The following TENM4 variants were observed in gnomAD, a reference collection of about 807,000 sequenced individuals.
TENM4 encodes teneurin-4.
TENM4 carries 82 observed loss-of-function variants against 243.3 expected under a neutral mutation model. That is an observed-to-expected ratio of 0.34 (90% CI 0.28 to 0.40). The LOEUF (loss-of-function observed/expected upper bound fraction) is 0.40, where lower values mean the gene tolerates loss of function less well. TENM4 is among the 10% of genes least tolerant of loss of function. The pLI is 1.00. For synonymous variants in TENM4, 1,412 were observed against 1,456.3 expected (o/e 0.97, Z 0.69); for missense variants, 3,138 against 3,673.3 (o/e 0.85, Z 3.77).
chr11:79,047,273 G>A (rs956557426), intron 6 of TENM4, among the ~76,000 whole-genome samples: 3 of 152,140 alleles, frequency 2.0e-5, no homozygotes, highest in Non-Finnish European at 4.4e-5. Context: ...CAGGGATGAC[G>A]AGGTCACCCA....
intron 4 of TENM4, among the ~76,000 whole-genome samples, chr11:79,130,575 G>A (rs1376919061): frequency 6.6e-6 from 1 of 152,186 alleles, no homozygotes; most frequent in Non-Finnish European, 1.5e-5. Flanking sequence ...TGTAATCCCA[G>A]CACTTTGGGA....
At chr11:79,361,698 T>C (rs555832261) in intron 1 of TENM4, among the ~76,000 whole-genome samples, 9 of 152,280 alleles carry the variant, frequency 5.9e-5, no homozygotes, top group African/African-American at 2.2e-4. Context: ...GAAAGTACAG[T>C]TGCTTTTCCA....
intron 12 of TENM4, among the ~76,000 whole-genome samples, chr11:78,815,889 G>A (rs541230651): frequency 6.6e-6 from 1 of 152,358 alleles, no homozygotes; most frequent in African/African-American, 2.4e-5. Context: ...ACTGGAACCC[G>A]AGCCTTCGGG....
intron 22 of TENM4, among the ~76,000 whole-genome samples, chr11:78,726,630 G>T (rs531148803): frequency 2.6e-5 from 4 of 152,094 alleles, no homozygotes; most frequent in Admixed American, 6.5e-5. Context: ...CTCATGAACG[G>T]CTTGGCACCA....
At chr11:79,182,294 A>AAATAAAT (rs1863298676) in intron 3 of TENM4, among the ~76,000 whole-genome samples, 1 of 152,210 alleles carries the variant, frequency 6.6e-6, no homozygotes, top group East Asian at 1.9e-4. Context: ...CTACATAAAT[A>AAATAAAT]CAGTCAACTG....
chr11:78,794,227 G>A (rs1857117028), intron 15 of TENM4, among the ~76,000 whole-genome samples: 1 of 152,158 alleles, frequency 6.6e-6, no homozygotes, highest in South Asian at 2.1e-4. Context: ...GGAGCAAGGG[G>A]ATGCTCAGCT....
intron 2 of TENM4, among the ~76,000 whole-genome samples, chr11:79,267,443 A>T (rs2135338034): frequency 6.6e-6 from 1 of 152,328 alleles, no homozygotes; most frequent in African/African-American, 2.4e-5. Context: ...TGAGATTTGG[A>T]AAGATAAAGG....
At position 78,903,427 on chromosome 11, in the gene TENM4, A is replaced by G; in HGVS notation, c.590T>C (p.Ile197Thr). ...HTPNQHHAAS[I>T]NSLNRGNFTP... ...GAAGTTGCCCCGGTTCAGGGAGTTAATGGAGGCCGCGTGGTGCTGGTTGGG... is the reference window on the plus strand; with the variant it reads ...GAAGTTGCCCCGGTTCAGGGAGTTAGTGGAGGCCGCGTGGTGCTGGTTGGG... The change falls in exon 7 of 34, where the codon ATT becomes ACT. Residue 197 changes from isoleucine to threonine, a missense_variant. Transcript: ENST00000278550. The G allele has an allele frequency of 6.5e-7, 1 of 1,547,264 alleles. No homozygotes were observed. The highest frequency in any genetic ancestry group is 1.2e-5 in the South Asian group (1 of 83,814).
chr11:78,706,508 G>A (rs1265178952), intron 27 of TENM4, among the ~76,000 whole-genome samples: 1 of 152,174 alleles, frequency 6.6e-6, no homozygotes, highest in Non-Finnish European at 1.5e-5. Flanking sequence ...TGACACCTGC[G>A]CAAATGTGTC....
Position 78,854,229 on chromosome 11 carries a change from C to A in TENM4, c.1556G>T (p.Gly519Val). 1.3e-6 allele frequency: 2 copies of A among 1,551,418 alleles called. No homozygotes were observed. The highest frequency in any genetic ancestry group is 8.7e-7 in the Non-Finnish European group (1 of 1,146,882). ...CTCATGGCTGGAGGGGGGCACAGTT[C>A]CCCGAGACTGGCGCGGGGTCCCCTC... ...SLEGTPRQSRGTVPPSSHETG... is the reference protein window; with the variant it reads ...SLEGTPRQSRVTVPPSSHETG... The change falls in exon 12 of 34, where the codon GGA (glycine) becomes GTA (valine). Residue 519 changes from glycine to valine, a missense_variant. This residue lies in a region of TENM4 where 2,467 missense variants were observed against 3,059.1 expected (regional missense o/e 0.81). Coordinates refer to ENST00000278550, the MANE Select transcript of TENM4 (RefSeq NM_001098816.3).
rs370286737 is a variant in TENM4 at position 79,001,936 on chromosome 11, G to A, written c.493+62802C>T. On this transcript the variant is annotated intron_variant, in intron 6 of 33. Transcript: ENST00000278550. ...CTGTATTCTTCCCCCAATGCCTGCA[G>A]CCTCCCTCCACTGTTTTGCTGTCAT... is the stretch of plus-strand genomic sequence containing the variant. 2.6e-4 allele frequency among the ~76,000 whole-genome samples: 39 copies of A among 152,246 alleles called. No individual in the cohort carries two copies. The South Asian group carries it at 7.5e-3, about 29-fold the overall frequency.
intron 16 of TENM4, among the ~76,000 whole-genome samples, chr11:78,785,694 T>G (rs1049369448): frequency 6.6e-6 from 1 of 152,194 alleles, no homozygotes; most frequent in African/African-American, 2.4e-5. Context: ...TATTAATAAA[T>G]GTAAGGTATT....
chr11:78,699,607 T>C (rs1022649444), intron 28 of TENM4, among the ~76,000 whole-genome samples: 1 of 152,246 alleles, frequency 6.6e-6, no homozygotes, highest in African/African-American at 2.4e-5. Context: ...GGTACCGCTA[T>C]GAAGTGCAGT....
intron 1 of TENM4, among the ~76,000 whole-genome samples, chr11:79,418,020 T>C (rs972196540): frequency 6.6e-6 from 1 of 152,200 alleles, no homozygotes; most frequent in Non-Finnish European, 1.5e-5. Flanking sequence ...CAGTATACTT[T>C]AAACGGTGTA....
chr11:79,355,637 C>A (rs1399671537), intron 1 of TENM4, among the ~76,000 whole-genome samples: 2 of 152,246 alleles, frequency 1.3e-5, no homozygotes, highest in African/African-American at 2.4e-5. Context: ...AAACTGTTCA[C>A]TGGAATAAAG....
chr11:79,363,265 C>G (rs1163058349), intron 1 of TENM4, among the ~76,000 whole-genome samples: 3 of 152,208 alleles, frequency 2.0e-5, no homozygotes, highest in Non-Finnish European at 2.9e-5. Context: ...AGGGCAATTG[C>G]TGTGTGTTCT....
intron 2 of TENM4, among the ~76,000 whole-genome samples, chr11:79,265,880 T>C (rs1326334985): frequency 6.6e-6 from 1 of 152,220 alleles, no homozygotes; most frequent in East Asian, 1.9e-4. Flanking sequence ...TAAATGACCA[T>C]GGCAACTGTC....
chr11:79,359,320 G>A (rs541581575), intron 1 of TENM4, among the ~76,000 whole-genome samples: 19 of 152,100 alleles, frequency 1.2e-4, no homozygotes, highest in Admixed American at 7.2e-4. Context: ...AGGATAATAT[G>A]AACAGCAATG....
intron 6 of TENM4, among the ~76,000 whole-genome samples, chr11:79,060,065 T>A (rs577045142): frequency 9.2e-5 from 14 of 152,354 alleles, no homozygotes; most frequent in Admixed American, 2.0e-4. Context: ...AATTACAGAA[T>A]GAACCCACAA....
Sources: gnomAD v4.1 joint callset for allele counts (sites outside exome capture counted in the v4.1 genomes callset) on GRCh38, gnomAD v4.1.1 for gene constraint, gnomAD v4.1.1 regional missense constraint, MANE v1.5 for transcripts, NCBI Gene and HGNC (gene_info 2026-07-23, HGNC 2026-07-21) for gene names.